ARFIP1: variants seen among roughly 807,000 people sequenced by gnomAD.
ARFIP1 encodes the protein arfaptin-1.
Under a neutral mutation model 42.5 loss-of-function variants are expected in ARFIP1, and 24 were observed. The ratio of observed to expected loss-of-function variants is 0.57; its 90% CI spans 0.41 to 0.80. ARFIP1 has a LOEUF of 0.80. Among genes scored for constraint, ARFIP1 ranks in the 30% least tolerant of loss-of-function variants. The pLI is 0.00. For synonymous variants in ARFIP1, 141 were observed against 153.7 expected (o/e 0.92, Z 0.61); for missense variants, 354 against 434.0 (o/e 0.82, Z 1.64).
At position 152,912,213 on chromosome 4, in the gene ARFIP1, G is replaced by A. The variant is rs1410646095; in HGVS notation, c.*1994G>A. 1 of 151,950 alleles carries A rather than the reference G, an allele frequency of 6.6e-6. No individual in the cohort carries two copies. The highest frequency in any genetic ancestry group is 1.5e-5 in the Non-Finnish European group (1 of 67,926). The allele number at this position is 151,950 out of a possible 1,614,324, so 9.4% of individuals were successfully genotyped here. ...GTGGGCACATGACCAAAAGAAAAAA[G>A]TAAATCAATATATTTAGCCAATGGT... On this transcript the variant is annotated 3_prime_UTR_variant, in exon 9 of 9. Coordinates refer to ENST00000353617, the MANE Select transcript of ARFIP1 (RefSeq NM_001025595.3).
At chr4:152,782,225 T>G (rs73865240) in intron 1 of ARFIP1, among the ~76,000 whole-genome samples, 8 of 27,518 alleles carry the variant, frequency 2.9e-4, no homozygotes, top group African/African-American at 8.6e-4. Context: ...CAGGTAGGGG[T>G]GTGTGTGTGT....
At chr4:152,863,904 A>G (rs1370931203) in intron 3 of ARFIP1, among the ~76,000 whole-genome samples, 190 bp downstream of exon 3, 4 of 152,238 alleles carry the variant, frequency 2.6e-5, no homozygotes, top group African/African-American at 9.6e-5. Context: ...TTATATAAAC[A>G]GATCAATGTA....
At chr4:152,859,798 A>C (rs1435023824) in intron 2 of ARFIP1, among the ~76,000 whole-genome samples, 1 of 150,696 alleles carries the variant, frequency 6.6e-6, no homozygotes, top group Non-Finnish European at 1.5e-5. Context: ...TCGTTTTATA[A>C]ATTTTAAAAC....
intron 1 of ARFIP1, among the ~76,000 whole-genome samples, chr4:152,824,847 G>T (rs761756441): frequency 1.2e-4 from 18 of 152,200 alleles, no homozygotes; most frequent in Non-Finnish European, 1.0e-4. Context: ...TAAAGTCTCA[G>T]TATACAAAAT....
chr4:152,795,667 T>A (rs183705123), intron 1 of ARFIP1, among the ~76,000 whole-genome samples: 34 of 152,260 alleles, frequency 2.2e-4, no homozygotes, highest in Non-Finnish European at 3.7e-4. Flanking sequence ...TGTAAGTGCC[T>A]GTTTCCCTTA....
chr4:152,803,743 G>C (rs1227897732), intron 1 of ARFIP1, among the ~76,000 whole-genome samples: 1 of 151,904 alleles, frequency 6.6e-6, no homozygotes, highest in Non-Finnish European at 1.5e-5. Flanking sequence ...GGATGCAGCT[G>C]TCTCTAAGGC....
At chr4:152,818,750 G>C (rs13105173) in intron 1 of ARFIP1, among the ~76,000 whole-genome samples, 1 of 152,112 alleles carries the variant, frequency 6.6e-6, no homozygotes, top group Non-Finnish European at 1.5e-5. Flanking sequence ...TCCAAATGTA[G>C]GCTGCCTAGG....
At chr4:152,807,222 A>T (rs1441775673) in intron 1 of ARFIP1, 1 of 150,102 alleles carries the variant, frequency 6.7e-6, no homozygotes, top group African/African-American at 2.5e-5. Flanking sequence ...TCTTATAAGG[A>T]AAGCTGCTAG....
Position 152,829,621 on chromosome 4 carries a change from T to G in ARFIP1, c.-9-4T>G. The G allele has an allele frequency of 1.9e-6, 3 of 1,601,368 alleles. No homozygotes were observed. In the South Asian group the frequency reaches 3.4e-5, roughly 18 times the overall value. ...ACGGCGCTTTTTTTCTTCTTTTGTT[T>G]TAGGAGTCTACCATGGCTCAAGAAT... On this transcript the variant is annotated splice_region_variant and splice_polypyrimidine_tract_variant and intron_variant, in intron 1 of 8. Transcript: ENST00000353617.
chr4:152,882,472 A>G (rs578228749), intron 6 of ARFIP1, among the ~76,000 whole-genome samples: 1 of 152,320 alleles, frequency 6.6e-6, no homozygotes, highest in African/African-American at 2.4e-5. Context: ...TCTACTACAA[A>G]GTAACTTAAA....
chr4:152,860,572 A>G (rs866568514), intron 2 of ARFIP1, among the ~76,000 whole-genome samples: 3 of 152,328 alleles, frequency 2.0e-5, no homozygotes, highest in African/African-American at 7.2e-5. Flanking sequence ...TTACACACTG[A>G]AGTTGATAAG....
intron 1 of ARFIP1, among the ~76,000 whole-genome samples, chr4:152,822,362 G>A (rs1174415948): frequency 1.4e-5 from 2 of 145,114 alleles, no homozygotes; most frequent in South Asian, 2.2e-4. Context: ...ACAAGAAAAT[G>A]TTACAGTCCT....
At position 152,897,314 on chromosome 4, in the gene ARFIP1, A is replaced by G. The variant is rs899002297; in HGVS notation, c.966+9007A>G. Reference sequence around the variant, plus strand: ...AAGCACACCTAGCTAACCAATTCATATAGTTTTTTTTTTTTACCAGTTATG... The same window carrying G: ...AAGCACACCTAGCTAACCAATTCATGTAGTTTTTTTTTTTTACCAGTTATG... On this transcript the variant is annotated intron_variant, in intron 8 of 8. Coordinates refer to ENST00000353617, the MANE Select transcript of ARFIP1 (RefSeq NM_001025595.3). Among the ~76,000 whole-genome samples the G allele has an allele frequency of 9.0e-5, 13 of 144,176 alleles. No homozygotes were observed. In the East Asian group the frequency reaches 2.4e-3, roughly 26 times the overall value. The allele number at this position is 144,176 out of a possible 152,430, so 94.6% of individuals were successfully genotyped here.
rs36085096 is a variant in ARFIP1 at position 152,904,198 on chromosome 4, A to ATATATT, written c.967-5865_967-5864insATATTT. On this transcript the variant is annotated intron_variant, in intron 8 of 8. Coordinates refer to ENST00000353617, the MANE Select transcript of ARFIP1 (RefSeq NM_001025595.3). ...TGTGTGTGTATATATATATATATAT[A>ATATATT]TTTTTTTTTTTTTAACGGAGTCTCG... Among the ~76,000 whole-genome samples, 96 of 126,688 alleles carry ATATATT rather than the reference A, an allele frequency of 7.6e-4. 1 individual carries two copies. Among genetic ancestry groups the ATATATT allele is most frequent in the African/African-American group, 3.0e-3 (93 of 30,728 alleles). 83.1% of individuals were successfully genotyped at this position (126,688 alleles called of 152,430 possible).
At chr4:152,882,064 C>T (rs1735889170) in intron 6 of ARFIP1, among the ~76,000 whole-genome samples, 1 of 152,138 alleles carries the variant, frequency 6.6e-6, no homozygotes, top group Admixed American at 6.6e-5. Context: ...AAAGCTTTCA[C>T]TGCTGAATAT....
At chr4:152,798,064 C>T (rs555203891) in intron 1 of ARFIP1, among the ~76,000 whole-genome samples, 1 of 152,258 alleles carries the variant, frequency 6.6e-6, no homozygotes, top group Non-Finnish European at 1.5e-5. Flanking sequence ...TCAAGACCAG[C>T]CTGGCCAACA....
At chr4:152,904,176 G>A (rs59235335) in intron 8 of ARFIP1, among the ~76,000 whole-genome samples, 10,384 of 98,614 alleles carry the variant, frequency 0.11, 449 homozygotes, top group African/African-American at 0.13. Flanking sequence ...ATATGTGTGT[G>A]TGTGTATATA....
At chr4:152,901,823 A>G (rs1196507211) in intron 8 of ARFIP1, among the ~76,000 whole-genome samples, 1 of 152,224 alleles carries the variant, frequency 6.6e-6, no homozygotes, top group Non-Finnish European at 1.5e-5. Context: ...TAGTTTTAGC[A>G]AGAATTAACT....
chr4:152,836,731 A>T (rs1037441995), intron 2 of ARFIP1, among the ~76,000 whole-genome samples: 7 of 152,218 alleles, frequency 4.6e-5, no homozygotes, highest in African/African-American at 4.8e-5. Context: ...ACTGAAACAA[A>T]TTTTTTTCCC....
Sources: allele counts gnomAD v4.1 joint callset (sites outside exome capture counted in the v4.1 genomes callset), GRCh38; gene constraint gnomAD v4.1.1; transcripts MANE v1.5; gene names NCBI Gene and HGNC (gene_info 2026-07-23, HGNC 2026-07-21).